ERBB4: variants seen among roughly 807,000 people sequenced by gnomAD.
ERBB4 encodes the protein erb-b2 receptor tyrosine kinase 4.
ERBB4 carries 42 observed loss-of-function variants against 158.0 expected under a neutral mutation model. That is an observed-to-expected ratio of 0.27 (90% confidence interval 0.21 to 0.34). The LOEUF (loss-of-function observed/expected upper bound fraction) is 0.34. Among genes scored for constraint, ERBB4 ranks in the 10% least tolerant of loss-of-function variants. The pLI, the probability that ERBB4 is intolerant of heterozygous loss-of-function variation, is 1.00. For synonymous variants in ERBB4, 583 were observed against 558.7 expected (o/e 1.04, Z -0.61); for missense variants, 1,333 against 1,624.1 (o/e 0.82, Z 3.08).
chr2:212,494,158 A>T (rs1299099572), intron 1 of ERBB4, among the ~76,000 whole-genome samples: 1 of 151,974 alleles, frequency 6.6e-6, no homozygotes, highest in East Asian at 1.9e-4. Context: ...AATACAGATA[A>T]GAATCAACAA....
chr2:211,709,625 G>A (rs533204996), intron 9 of ERBB4, among the ~76,000 whole-genome samples: 2 of 152,156 alleles, frequency 1.3e-5, no homozygotes, highest in East Asian at 3.9e-4. Flanking sequence ...GTTTACAGCA[G>A]TTATCACAAG....
At chr2:211,501,378 A>G (rs2065611401) in intron 20 of ERBB4, among the ~76,000 whole-genome samples, 1 of 151,804 alleles carries the variant, frequency 6.6e-6, no homozygotes, top group Non-Finnish European at 1.5e-5. Flanking sequence ...TAAATGATAA[A>G]TGTTTGAGAT....
chr2:211,925,922 C>A (rs1275305130), intron 3 of ERBB4, among the ~76,000 whole-genome samples: 1 of 151,986 alleles, frequency 6.6e-6, no homozygotes, highest in Non-Finnish European at 1.5e-5. Context: ...AACCTTAACT[C>A]TACTCCCTTG....
chr2:212,376,293 T>C (rs2090319147), intron 1 of ERBB4, among the ~76,000 whole-genome samples: 1 of 152,066 alleles, frequency 6.6e-6, no homozygotes, highest in Non-Finnish European at 1.5e-5. Context: ...ATGCAATGGC[T>C]ACCAAGAGGT....
intron 3 of ERBB4, among the ~76,000 whole-genome samples, chr2:211,837,384 G>C (rs758574615): frequency 5.3e-5 from 8 of 151,980 alleles, no homozygotes; most frequent in Non-Finnish European, 1.2e-4. Flanking sequence ...GTACATAAAG[G>C]GCTCTTAAAT....
At chr2:212,511,920 G>A (rs1691543695) in intron 1 of ERBB4, among the ~76,000 whole-genome samples, 1 of 152,046 alleles carries the variant, frequency 6.6e-6, no homozygotes, top group Non-Finnish European at 1.5e-5. Flanking sequence ...CCAGTTCCAG[G>A]TGTCATATGC....
intron 1 of ERBB4, among the ~76,000 whole-genome samples, chr2:212,259,567 T>C (rs918516064): frequency 1.3e-5 from 2 of 152,214 alleles, no homozygotes; most frequent in Non-Finnish European, 2.9e-5. Flanking sequence ...TAAATTCATT[T>C]AAAATGTTTC....
At chr2:211,903,498 T>A (rs964170138) in intron 3 of ERBB4, among the ~76,000 whole-genome samples, 1 of 152,074 alleles carries the variant, frequency 6.6e-6, no homozygotes, top group African/African-American at 2.4e-5. Flanking sequence ...GTAATATACA[T>A]GAAATTTTAA....
intron 2 of ERBB4, among the ~76,000 whole-genome samples, chr2:212,028,603 T>C (rs1024415345): frequency 6.6e-6 from 1 of 152,132 alleles, no homozygotes; most frequent in Non-Finnish European, 1.5e-5. Context: ...CAGCTACCAC[T>C]AAAAAGCTAA....
intron 4 of ERBB4, among the ~76,000 whole-genome samples, chr2:211,755,461 C>T (rs975245904): frequency 6.6e-6 from 1 of 152,114 alleles, no homozygotes; most frequent in Non-Finnish European, 1.5e-5. Context: ...ATGATTGCTC[C>T]ACTGCACTCC....
At chr2:211,865,711 T>C (rs2078187723) in intron 3 of ERBB4, among the ~76,000 whole-genome samples, 2 of 152,160 alleles carry the variant, frequency 1.3e-5, no homozygotes, top group Admixed American at 1.3e-4. Flanking sequence ...CCCATATTAA[T>C]TAATAGCAAG....
intron 2 of ERBB4, among the ~76,000 whole-genome samples, chr2:212,113,237 G>A (rs1484611357): frequency 6.6e-6 from 1 of 152,048 alleles, no homozygotes; most frequent in Non-Finnish European, 1.5e-5. Context: ...TTCCATAGAG[G>A]AAGAAAATTA....
chr2:211,598,704 T>C (rs1473876888), intron 19 of ERBB4, among the ~76,000 whole-genome samples: 1 of 152,244 alleles, frequency 6.6e-6, no homozygotes, highest in Non-Finnish European at 1.5e-5. Flanking sequence ...GTATAGACTT[T>C]ATATTAAATT....
intron 1 of ERBB4, among the ~76,000 whole-genome samples, chr2:212,143,688 C>G (rs2080561154): frequency 6.6e-6 from 1 of 152,214 alleles, no homozygotes; most frequent in East Asian, 1.9e-4. Context: ...GACTCTACTA[C>G]AAGCCTCTTC....
chr2:211,965,597 G>T (rs1338089121), intron 2 of ERBB4, among the ~76,000 whole-genome samples: 1 of 152,012 alleles, frequency 6.6e-6, no homozygotes, highest in Non-Finnish European at 1.5e-5. Flanking sequence ...ATGTGCTAAG[G>T]TAATTCAAAG....
chr2:211,686,480 A>G (rs1319513891), intron 12 of ERBB4, among the ~76,000 whole-genome samples: 1 of 151,880 alleles, frequency 6.6e-6, no homozygotes, highest in Non-Finnish European at 1.5e-5. Context: ...CTTTGTATAT[A>G]TTGCTGACTG....
At chr2:211,964,053 A>G (rs2081250954) in intron 2 of ERBB4, among the ~76,000 whole-genome samples, 1 of 152,172 alleles carries the variant, frequency 6.6e-6, no homozygotes, top group African/African-American at 2.4e-5. Context: ...AGGAAACTGG[A>G]CAAAGACACA....
intron 20 of ERBB4, among the ~76,000 whole-genome samples, chr2:211,452,478 T>C (rs932848651): frequency 6.6e-6 from 1 of 152,146 alleles, no homozygotes; most frequent in African/African-American, 2.4e-5. Flanking sequence ...CCCCAGCCAA[T>C]AAACTCTATT....
At chr2:212,109,402 G>A (rs570836364) in intron 2 of ERBB4, among the ~76,000 whole-genome samples, 28 of 152,254 alleles carry the variant, frequency 1.8e-4, no homozygotes, top group Admixed American at 1.5e-3. Context: ...CCTTTTCTAT[G>A]AGAGCCCTTC....
Sources: gnomAD v4.1 joint callset for allele counts (sites outside exome capture counted in the v4.1 genomes callset) on GRCh38, gnomAD v4.1.1 for gene constraint, MANE v1.5 for transcripts, NCBI Gene and HGNC (gene_info 2026-07-23, HGNC 2026-07-21) for gene names.